Variants in KCNIP4 observed in about 807,000 individuals in gnomAD.
KCNIP4 encodes the protein potassium voltage-gated channel interacting protein 4, also known as Kv channel-interacting protein 4.
In KCNIP4, 12 loss-of-function variants were observed where a neutral mutation model predicts 34.0. That is an observed-to-expected ratio of 0.35 (90% confidence interval 0.23 to 0.57). The LOEUF (loss-of-function observed/expected upper bound fraction) is 0.57. Ranked by LOEUF, KCNIP4 falls within the 20% of genes least tolerant of loss-of-function variation. KCNIP4 has a pLI of 0.83. For missense variants in KCNIP4, 238 were observed against 311.7 expected (o/e 0.76, Z 1.78); for synonymous variants, 124 against 102.2 (o/e 1.21, Z -1.29).
intron 1 of KCNIP4, among the ~76,000 whole-genome samples, chr4:21,463,316 T>G (rs1044654757): frequency 1.1e-4 from 17 of 152,170 alleles, no homozygotes; most frequent in African/African-American, 4.1e-4. Context: ...GAATGTCTTT[T>G]TTTGAGAAAT....
At chr4:21,762,936 G>A in intron 1 of KCNIP4, 1 of 1,288,664 alleles carries the variant, frequency 7.8e-7, no homozygotes, top group South Asian at 1.2e-5. Context: ...GATCTGACAG[G>A]TGCTCCCACT....
intron 1 of KCNIP4, among the ~76,000 whole-genome samples, chr4:21,392,067 T>A (rs1722605808): frequency 6.6e-6 from 1 of 152,176 alleles, no homozygotes. Flanking sequence ...TTCTGATATT[T>A]TACTGAGACT....
At chr4:21,473,417 C>T (rs1186532154) in intron 1 of KCNIP4, among the ~76,000 whole-genome samples, 1 of 152,132 alleles carries the variant, frequency 6.6e-6, no homozygotes, top group Non-Finnish European at 1.5e-5. Flanking sequence ...TGTCCTTGCT[C>T]CCCTTCCTGG....
chr4:21,651,803 A>G (rs1222262697), intron 1 of KCNIP4, among the ~76,000 whole-genome samples: 2 of 152,128 alleles, frequency 1.3e-5, no homozygotes, highest in Non-Finnish European at 2.9e-5. Context: ...CTAACTTACT[A>G]AGTATTTGAA....
chr4:20,802,155 T>A (rs903349615), intron 3 of KCNIP4, among the ~76,000 whole-genome samples: 3 of 142,294 alleles, frequency 2.1e-5, no homozygotes, highest in Non-Finnish European at 4.5e-5. Context: ...ATATATATGC[T>A]ATATATATGC....
intron 8 of KCNIP4, 85 bp from the exon 9 acceptor site, chr4:20,730,214 C>CCATCAACCACCT (rs1747670020): frequency 1.9e-5 from 27 of 1,452,562 alleles, no homozygotes; most frequent in Non-Finnish European, 2.5e-5. Flanking sequence ...TTGCCTCCTC[C>CCATCAACCACCT]CATCAACCAC....
intron 1 of KCNIP4, among the ~76,000 whole-genome samples, chr4:21,274,587 T>A (rs1247453167): frequency 6.6e-6 from 1 of 152,190 alleles, no homozygotes; most frequent in Admixed American, 6.5e-5. Flanking sequence ...AGGGCTTTAC[T>A]TAAAATAGCA....
In KCNIP4 at chr4:21,762,535, T is replaced by C. The variant is rs569230056; in HGVS notation, c.61+186036A>G. Among the ~76,000 whole-genome samples, 4 of 152,272 alleles carry C rather than the reference T, an allele frequency of 2.6e-5. No homozygotes were observed. The East Asian group carries it at 7.7e-4, about 29-fold the overall frequency. Reference sequence around the variant, plus strand: ...GGGCTGCCTTTAACTTATAAAATACTAACAAAATTAATTTTGAGCAGAACT... The same window carrying C: ...GGGCTGCCTTTAACTTATAAAATACCAACAAAATTAATTTTGAGCAGAACT... On this transcript the variant is annotated intron_variant, in intron 1 of 8. Coordinates refer to ENST00000382152, the MANE Select transcript of KCNIP4 (RefSeq NM_025221.6).
intron 1 of KCNIP4, chr4:20,983,729 A>G (rs1259029202): frequency 3.9e-5 from 44 of 1,122,728 alleles, no homozygotes; most frequent in Non-Finnish European, 5.0e-5. Context: ...TACTTTGAGT[A>G]TTAAGGCTTC....
chr4:21,784,021 T>C (rs1453195873), intron 1 of KCNIP4, among the ~76,000 whole-genome samples: 2 of 152,074 alleles, frequency 1.3e-5, no homozygotes, highest in Non-Finnish European at 2.9e-5. Flanking sequence ...GCTGGGTAAT[T>C]TATCAAGGAA....
At chr4:21,903,109 T>G (rs1553830035) in intron 1 of KCNIP4, among the ~76,000 whole-genome samples, 4 of 152,156 alleles carry the variant, frequency 2.6e-5, no homozygotes, top group Non-Finnish European at 5.9e-5. Flanking sequence ...TGGTGCAAAC[T>G]GCTAATAAAA....
chr4:20,740,830 C>A (rs942000560), intron 5 of KCNIP4, among the ~76,000 whole-genome samples: 1 of 152,070 alleles, frequency 6.6e-6, no homozygotes, highest in African/African-American at 2.4e-5. Context: ...AGACCCATCT[C>A]GCCTGCAGAG....
intron 1 of KCNIP4, among the ~76,000 whole-genome samples, chr4:21,053,253 A>C (rs553263795): frequency 3.3e-5 from 5 of 152,298 alleles, no homozygotes; most frequent in African/African-American, 9.6e-5. Flanking sequence ...AGTCAGAGAT[A>C]TTTTTATGCA....
chr4:21,612,499 T>G (rs1280197741), intron 1 of KCNIP4, among the ~76,000 whole-genome samples: 1 of 152,230 alleles, frequency 6.6e-6, no homozygotes, highest in Non-Finnish European at 1.5e-5. Context: ...ATCATGGAAT[T>G]TTAAAGGAGA....
intron 1 of KCNIP4, among the ~76,000 whole-genome samples, chr4:21,810,478 CAGG>C (rs1721570245): frequency 6.6e-6 from 1 of 151,942 alleles, no homozygotes; most frequent in Non-Finnish European, 1.5e-5. Context: ...ATCACGAGGT[CAGG>C]AGATCGAGAC....
chr4:21,235,397 C>T (rs1759283285), intron 1 of KCNIP4, among the ~76,000 whole-genome samples: 2 of 152,134 alleles, frequency 1.3e-5, no homozygotes, highest in African/African-American at 4.8e-5. Context: ...CTAGTTACCT[C>T]AGCCTTCTTC....
intron 1 of KCNIP4, among the ~76,000 whole-genome samples, chr4:21,766,620 C>T (rs1475982205): frequency 6.6e-6 from 1 of 152,108 alleles, no homozygotes; most frequent in Admixed American, 6.6e-5. Flanking sequence ...CTTATGAAAA[C>T]AATTTCCTTT....
intron 1 of KCNIP4, among the ~76,000 whole-genome samples, chr4:21,853,340 G>A (rs552934197): frequency 3.3e-5 from 5 of 152,174 alleles, no homozygotes; most frequent in Admixed American, 6.5e-5. Flanking sequence ...CAAAACACCG[G>A]TCTGGGAAAT....
At chr4:20,863,602 G>A (rs1390452588) in intron 2 of KCNIP4, among the ~76,000 whole-genome samples, 1 of 152,150 alleles carries the variant, frequency 6.6e-6, no homozygotes. Flanking sequence ...TTGTTTCAGA[G>A]TCAAACCATA....
Sources: gnomAD v4.1 joint callset for allele counts (sites outside exome capture counted in the v4.1 genomes callset) on GRCh38, gnomAD v4.1.1 for gene constraint, MANE v1.5 for transcripts, NCBI Gene and HGNC (gene_info 2026-07-23, HGNC 2026-07-21) for gene names.